PPP1R14B: variants seen among roughly 807,000 people sequenced by gnomAD.
PPP1R14B encodes the protein protein phosphatase 1 regulatory inhibitor subunit 14B, also known as protein phosphatase 1 regulatory subunit 14B.
A neutral mutation model predicts 14.7 loss-of-function variants in PPP1R14B; 4 were observed. That is an observed-to-expected ratio of 0.27 (90% CI 0.13 to 0.62). PPP1R14B has a LOEUF of 0.62. Ranked by LOEUF, PPP1R14B falls within the 20% of genes least tolerant of loss-of-function variation. PPP1R14B has a pLI of 0.85. For synonymous variants in PPP1R14B, 76 were observed against 87.3 expected (o/e 0.87, Z 0.72); for missense variants, 138 against 201.5 (o/e 0.68, Z 1.91).
intron 1 of PPP1R14B, chr11:64,246,209 G>GGCA: frequency 3.1e-6 from 2 of 641,942 alleles, no homozygotes; most frequent in Non-Finnish European, 5.2e-6. Flanking sequence ...CATGATGGGG[G>GGCA]GCAGGGTCCG....
At chr11:64,245,750 CAA>C (rs1365969512) in intron 1 of PPP1R14B, 1 of 164,162 alleles carries the variant, frequency 6.1e-6, no homozygotes, top group Non-Finnish European at 1.3e-5. Context: ...AAAGAGGAAA[CAA>C]AGAGCCCATG....
Position 64,244,778 on chromosome 11 carries a change from C to G in PPP1R14B, c.420G>C (p.Lys140Asn). The G allele has an allele frequency of 1.9e-6, 3 of 1,613,952 alleles. No individual in the cohort carries two copies. Among genetic ancestry groups the G allele is most frequent in the Non-Finnish European group, 2.5e-6 (3 of 1,179,998 alleles). ...GTCACTTCTTCTGGGGTGTGCTCAG[C>G]TTCTGCATGCCCCGGATCTTGTCCA... ...GLLDKIRGMQKLSTPQKK is the reference protein window; with the variant it reads ...GLLDKIRGMQNLSTPQKK Residue 140 changes from lysine to asparagine, a missense_variant, in exon 4 of 4, where the codon AAG becomes AAC. Around this residue, in one of 3 missense-constraint regions of PPP1R14B, gnomAD observed 84 missense variants for 137.5 expected, o/e 0.61. Transcript: ENST00000309318.
rs1342728025 is a variant in PPP1R14B at position 64,244,911 on chromosome 11, C to T, written c.375+19G>A. On this transcript the variant is annotated intron_variant, in intron 3 of 3. Transcript: ENST00000309318. ...CCCTCACCCTGCCACCCCCGCCAGC[C>T]CCCCAGGAAATCTCTTACCTCTGTG... 1.1e-5 allele frequency: 17 copies of T among 1,611,908 alleles called. No homozygotes were observed. Among genetic ancestry groups the T allele is most frequent in the Non-Finnish European group, 1.4e-5 (17 of 1,178,446 alleles).
In PPP1R14B at chr11:64,244,920, A is replaced by C; in HGVS notation, c.375+10T>G. Reference sequence around the variant, plus strand: ...TGCCACCCCCGCCAGCCCCCCAGGAAATCTCTTACCTCTGTGGGTTTGTAA... The same window carrying C: ...TGCCACCCCCGCCAGCCCCCCAGGACATCTCTTACCTCTGTGGGTTTGTAA... On this transcript the variant is annotated intron_variant, in intron 3 of 3. Transcript: ENST00000309318. The C allele has an allele frequency of 6.2e-7, 1 of 1,612,006 alleles. No homozygotes were observed.
intron 2 of PPP1R14B, 111 bp from the exon 3 acceptor site, chr11:64,245,073 CACA>C (rs984480882): frequency 4.1e-6 from 6 of 1,456,540 alleles, no homozygotes; most frequent in Admixed American, 4.1e-5. Context: ...CAGGAGATGC[CACA>C]ACAACCTCAC....
rs550186993 is a variant in PPP1R14B at position 64,244,680 on chromosome 11, G to C, written c.*74C>G. On this transcript the variant is annotated 3_prime_UTR_variant, in exon 4 of 4. Coordinates refer to ENST00000309318, the MANE Select transcript of PPP1R14B (RefSeq NM_138689.3). ...CCAGGCCTGGCCGCAGGGTCCCCCG[G>C]TATTGCTGTTGCTACGAGGTTGGGG... 1 of 1,598,804 alleles carries C rather than the reference G, an allele frequency of 6.3e-7. No individual in the cohort carries two copies.
chr11:64,246,815 G>T lies in PPP1R14B; in HGVS notation c.-142C>A, dbSNP rs2030898629. ...AGGGCGGCGGCGGGGGCGCCCGGGG[G>T]CAGCTGCAGCATGCGGAGCCCCCGG... is the stretch of plus-strand genomic sequence containing the variant. On this transcript the variant is annotated 5_prime_UTR_variant, in exon 1 of 4. Coordinates refer to ENST00000309318, the MANE Select transcript of PPP1R14B (RefSeq NM_138689.3). 3.2e-6 allele frequency: 2 copies of T among 626,512 alleles called. No homozygotes were observed. Among genetic ancestry groups the T allele is most frequent in the Non-Finnish European group, 4.0e-6 (2 of 504,324 alleles). 38.8% of individuals were successfully genotyped at this position (626,512 alleles called of 1,614,324 possible). A position where few individuals can be genotyped will look rare whatever the true frequency, so the allele number is the denominator to read the frequency against.
At chr11:64,245,451 G>A in intron 1 of PPP1R14B, 164 bp from the exon 2 acceptor site, 1 of 503,760 alleles carries the variant, frequency 2.0e-6, no homozygotes, top group Non-Finnish European at 3.4e-6. Context: ...TCAGGCCCGT[G>A]CCAAGGCAAA....
chr11:64,244,621 T>G lies in PPP1R14B; in HGVS notation c.*133A>C. The G allele has an allele frequency of 6.8e-7, 1 of 1,464,440 alleles. No homozygotes were observed. The highest frequency in any genetic ancestry group is 1.3e-5 in the South Asian group (1 of 76,704). The allele number at this position is 1,464,440 out of a possible 1,614,324, so 90.7% of individuals were successfully genotyped here. ...CTGAGGGGGCAGGGGAAGAGACCCC[T>G]GGGCCAGGGGCACGAGGAGCCCTGC... On this transcript the variant is annotated 3_prime_UTR_variant, in exon 4 of 4. Transcript: ENST00000309318.
chr11:64,244,880 G>A (rs778340079), intron 3 of PPP1R14B, 50 bp downstream of exon 3: 13 of 1,611,848 alleles, frequency 8.1e-6, no homozygotes, highest in East Asian at 4.5e-5. Flanking sequence ...GACAGGAGCC[G>A]GGCTCCCCTC....
Position 64,245,228 on chromosome 11 carries a change from G to C in PPP1R14B, c.318C>G (p.Asp106Glu), listed in dbSNP as rs1272742943. The C allele has an allele frequency of 6.2e-7, 1 of 1,613,386 alleles. No individual in the cohort carries two copies. The highest frequency in any genetic ancestry group is 8.5e-7 in the Non-Finnish European group (1 of 1,179,618). The change falls in exon 2 of 4, where the codon GAC becomes GAG. Residue 106 changes from aspartate to glutamate, a missense_variant. Asp to Glu is a conservative substitution (Grantham distance 45). This residue lies in a region of PPP1R14B where 84 missense variants were observed against 137.5 expected (regional missense o/e 0.61). Transcript: ENST00000309318. ...DVDELLDMES[D>E]DARAARVKEL... is the part of the protein sequence containing the mutation. Reference sequence around the variant, plus strand: ...CCTTGACCCTGGCAGCCCGGGCATCGTCACTCTCCATGTCCAGGAGCTCAT... The same window carrying C: ...CCTTGACCCTGGCAGCCCGGGCATCCTCACTCTCCATGTCCAGGAGCTCAT...
intron 1 of PPP1R14B, chr11:64,246,202 G>A (rs948762440): frequency 6.4e-6 from 4 of 625,564 alleles, no homozygotes; most frequent in Non-Finnish European, 1.1e-5. Context: ...GGAGTGGCAT[G>A]ATGGGGGGCA....
intron 1 of PPP1R14B, 145 bp downstream of exon 1, chr11:64,246,271 T>G: frequency 1.8e-6 from 2 of 1,086,456 alleles, no homozygotes; most frequent in Non-Finnish European, 2.6e-6. Flanking sequence ...AGAGTATATA[T>G]TGGGGGCGGG....
rs941482207 is a variant in PPP1R14B at position 64,246,548 on chromosome 11, G to A, written c.126C>T (p.Gly42=). 1 of 1,608,428 alleles carries A rather than the reference G, an allele frequency of 6.2e-7. No individual in the cohort carries two copies. The highest frequency in any genetic ancestry group is 2.2e-5 in the East Asian group (1 of 44,762). The part of the protein sequence containing the change: ...SPPGAAGEGP[G]GADDEGPVRR... ...TCACTGGGCCCTCATCGTCCGCCCC[G>A]CCCGGGCCCTCTCCTGCGGCCCCGG... The change falls in exon 1 of 4, where the codon GGC becomes GGT. Residue 42 remains glycine (G), a synonymous_variant. Coordinates refer to ENST00000309318, the MANE Select transcript of PPP1R14B (RefSeq NM_138689.3).
Position 64,246,831 on chromosome 11 carries a change from G to A in PPP1R14B, c.-158C>T. ...CGCCCGGGGGCAGCTGCAGCATGCG[G>A]AGCCCCCGGGCTTGGCCTGGCCGCG... is the stretch of plus-strand genomic sequence containing the variant. On this transcript the variant is annotated 5_prime_UTR_variant, in exon 1 of 4. Transcript: ENST00000309318. The A allele has an allele frequency of 2.1e-6, 1 of 482,978 alleles. No homozygotes were observed. The highest frequency in any genetic ancestry group is 2.7e-6 in the Non-Finnish European group (1 of 372,582). The allele number at this position is 482,978 out of a possible 1,614,324, so 29.9% of individuals were successfully genotyped here. A position where few individuals can be genotyped will look rare whatever the true frequency, so the allele number is the denominator to read the frequency against.
rs1415184885 is a variant in PPP1R14B at position 64,246,874 on chromosome 11, C to G, written c.-201G>C. On this transcript the variant is annotated 5_prime_UTR_variant, in exon 1 of 4. Coordinates refer to ENST00000309318, the MANE Select transcript of PPP1R14B (RefSeq NM_138689.3). ...TGGCCGCGCCCCGCCCCCTCCCCGC[C>G]GATCCGCCCGCCCTTTGTCCCCCGC... 4 of 225,224 alleles carry G rather than the reference C, an allele frequency of 1.8e-5. No individual in the cohort carries two copies. The highest frequency in any genetic ancestry group is 2.2e-5 in the Non-Finnish European group (3 of 137,962). The allele number at this position is 225,224 out of a possible 1,614,324, so 14.0% of individuals were successfully genotyped here. A position where few individuals can be genotyped will look rare whatever the true frequency, so the allele number is the denominator to read the frequency against.
At position 64,246,487 on chromosome 11, in the gene PPP1R14B, T is replaced by G; in HGVS notation, c.187A>C (p.Lys63Gln). The G allele has an allele frequency of 6.2e-7, 1 of 1,610,174 alleles. No homozygotes were observed. Among genetic ancestry groups the G allele is most frequent in the Non-Finnish European group, 8.5e-7 (1 of 1,179,224 alleles). ...AGGTTGAGGCGCTTCCGTAGCTCCTTGCGGTCATACTTGACGGTGACCTTC... is the reference window on the plus strand; with the variant it reads ...AGGTTGAGGCGCTTCCGTAGCTCCTGGCGGTCATACTTGACGGTGACCTTC... ...QGKVTVKYDRKELRKRLNLEE... is the reference protein window; with the variant it reads ...QGKVTVKYDRQELRKRLNLEE... Residue 63 changes from lysine to glutamine, a missense_variant, in exon 1 of 4, where the codon AAG (lysine) becomes CAG (glutamine). Physicochemically the swap from Lys to Gln is moderately conservative, Grantham distance 53. Transcript: ENST00000309318.
rs773759242 is a variant in PPP1R14B, at chr11:64,245,242, C to G, written c.304G>C (p.Asp102His). The G allele has an allele frequency of 6.8e-6, 11 of 1,613,640 alleles. No homozygotes were observed. The highest frequency in any genetic ancestry group is 9.3e-6 in the Non-Finnish European group (11 of 1,179,702). ...ELEIDVDELL[D>H]MESDDARAAR... ...GCCCGGGCATCGTCACTCTCCATGT[C>G]CAGGAGCTCATCCACGTCAATCTCC... Residue 102 changes from aspartate to histidine, a missense_variant, in exon 2 of 4, where the codon GAC (aspartate) becomes CAC (histidine). By Grantham distance (81) the Asp-to-His change is moderately conservative. Transcript: ENST00000309318.
intron 2 of PPP1R14B, 58 bp from the exon 3 acceptor site, chr11:64,245,020 T>G: frequency 6.5e-7 from 1 of 1,539,050 alleles, no homozygotes; most frequent in Non-Finnish European, 8.9e-7. Context: ...GGCCTGGAGC[T>G]CGCCTATACC....
Sources: gnomAD v4.1 joint callset for allele counts on GRCh38, gnomAD v4.1.1 for gene constraint, gnomAD v4.1.1 regional missense constraint, MANE v1.5 for transcripts, NCBI Gene and HGNC (gene_info 2026-07-23, HGNC 2026-07-21) for gene names.